UBE2U: variants seen among roughly 807,000 people sequenced by gnomAD.
The protein encoded by UBE2U is ubiquitin-conjugating enzyme E2 U.
A neutral mutation model predicts 41.2 loss-of-function variants in UBE2U; 39 were observed. That is an observed-to-expected ratio of 0.95 (90% confidence interval 0.73 to 1.24). UBE2U has a LOEUF of 1.24. UBE2U is among the 50% of genes most tolerant of loss of function. The pLI is 0.00. For synonymous variants in UBE2U, 107 were observed against 117.8 expected (o/e 0.91, Z 0.60); for missense variants, 336 against 363.1 (o/e 0.93, Z 0.61).
intron 7 of UBE2U, among the ~76,000 whole-genome samples, chr1:64,239,171 A>AGAAGAAGAAGAAGAG (rs1644778944): frequency 1.1e-5 from 1 of 90,906 alleles, no homozygotes; most frequent in Non-Finnish European, 2.1e-5. Flanking sequence ...AAGAAGAAGA[A>AGAAGAAGAAGAAGAG]GAAGAAGAAG....
At chr1:64,239,148 AAG>A (rs1361084527) in intron 7 of UBE2U, among the ~76,000 whole-genome samples, 4 of 24,676 alleles carry the variant, frequency 1.6e-4, no homozygotes, top group East Asian at 5.4e-3. Context: ...GAAGAAGAAG[AAG>A]AAGAAGAAAG....
intron 8 of UBE2U, among the ~76,000 whole-genome samples, chr1:64,243,117 G>C (rs1252976542): frequency 6.6e-6 from 1 of 152,100 alleles, no homozygotes; most frequent in Non-Finnish European, 1.5e-5. Flanking sequence ...CAAAGTTACA[G>C]GTCAAATTAT....
At chr1:64,242,911 C>T (rs1350530236) in intron 8 of UBE2U, among the ~76,000 whole-genome samples, 1 of 152,036 alleles carries the variant, frequency 6.6e-6, no homozygotes, top group East Asian at 1.9e-4. Flanking sequence ...ACGTGACTTC[C>T]TTTTTTATTT....
At chr1:64,218,905 C>T (rs535642226) in intron 5 of UBE2U, among the ~76,000 whole-genome samples, 15 of 152,274 alleles carry the variant, frequency 9.9e-5, no homozygotes, top group African/African-American at 1.4e-4. Flanking sequence ...CAGTCAGCAT[C>T]GAGTCTGTTT....
chr1:64,211,484 G>A (rs1375202570), intron 4 of UBE2U, among the ~76,000 whole-genome samples: 1 of 152,080 alleles, frequency 6.6e-6, no homozygotes, highest in Non-Finnish European at 1.5e-5. Flanking sequence ...CTGTCACCCA[G>A]GCTAGAGTGC....
At chr1:64,212,691 T>A (rs117406482) in intron 4 of UBE2U, among the ~76,000 whole-genome samples, 1 of 152,300 alleles carries the variant, frequency 6.6e-6, no homozygotes, top group East Asian at 1.9e-4. Context: ...CATTTGAGCA[T>A]CCCAAATTTG....
chr1:64,252,438 C>T (rs1485364208), intron 8 of UBE2U, among the ~76,000 whole-genome samples: 3 of 152,214 alleles, frequency 2.0e-5, no homozygotes, highest in Admixed American at 1.3e-4. Flanking sequence ...TGATCCTGTT[C>T]CTCCTGACTG....
At chr1:64,248,328 T>C (rs1355506415) in intron 8 of UBE2U, among the ~76,000 whole-genome samples, 2 of 152,102 alleles carry the variant, frequency 1.3e-5, no homozygotes, top group East Asian at 3.9e-4. Flanking sequence ...GGAAGGGCTA[T>C]ATTCCCCAGA....
intron 7 of UBE2U, among the ~76,000 whole-genome samples, chr1:64,239,165 A>AGAG (rs1644775422): frequency 1.3e-5 from 1 of 76,704 alleles, no homozygotes; most frequent in African/African-American, 5.4e-5. Flanking sequence ...AGAAAGAAGA[A>AGAG]GAAGAAGAAG....
rs144902452 is a variant in UBE2U at position 64,259,612 on chromosome 1, C to T, written c.678-991C>T. On this transcript the variant is annotated intron_variant, in intron 8 of 9. Transcript: ENST00000371077. Reference sequence around the variant, plus strand: ...CCCCATTTCTTGTTTTTGACAAAAACATTTCTATGCCACCTACTTTTCTTC... The same window carrying T: ...CCCCATTTCTTGTTTTTGACAAAAATATTTCTATGCCACCTACTTTTCTTC... 3.0e-3 allele frequency among the ~76,000 whole-genome samples: 458 copies of T among 151,898 alleles called. 2 individuals carry two copies. The highest frequency in any genetic ancestry group is 3.6e-3 in the Non-Finnish European group (244 of 67,842).
chr1:64,231,907 CAA>C (rs1437824710), intron 6 of UBE2U, among the ~76,000 whole-genome samples: 3 of 152,214 alleles, frequency 2.0e-5, no homozygotes, highest in African/African-American at 4.8e-5. Flanking sequence ...AGAATCTCTG[CAA>C]GTTTGTGGAA....
chr1:64,255,450 T>C (rs1276794140), intron 8 of UBE2U, among the ~76,000 whole-genome samples: 1 of 152,158 alleles, frequency 6.6e-6, no homozygotes, highest in African/African-American at 2.4e-5. Flanking sequence ...TACCAAAACC[T>C]GGCAGAGATA....
intron 6 of UBE2U, among the ~76,000 whole-genome samples, chr1:64,227,752 C>T (rs1652973952): frequency 6.6e-6 from 1 of 151,990 alleles, no homozygotes; most frequent in East Asian, 1.9e-4. Flanking sequence ...CTGCAGTGAG[C>T]CAAGATCACA....
chr1:64,232,757 A>G, intron 7 of UBE2U, 108 bp downstream of exon 7: 1 of 741,264 alleles, frequency 1.3e-6, no homozygotes, highest in Non-Finnish European at 2.2e-6. Context: ...TAAGAGTGAT[A>G]AACTTCTCTG....
chr1:64,239,675 G>A (rs1014714786), intron 7 of UBE2U, among the ~76,000 whole-genome samples: 13 of 151,878 alleles, frequency 8.6e-5, no homozygotes, highest in East Asian at 1.9e-4. Flanking sequence ...AGCTTCATCC[G>A]TGTCCCTACA....
At chr1:64,237,568 C>T (rs1644693129) in intron 7 of UBE2U, among the ~76,000 whole-genome samples, 1 of 152,134 alleles carries the variant, frequency 6.6e-6, no homozygotes, top group Non-Finnish European at 1.5e-5. Flanking sequence ...CAGTGTCATT[C>T]GTTGAGCACC....
intron 7 of UBE2U, among the ~76,000 whole-genome samples, chr1:64,237,385 A>G (rs1644688776): frequency 6.6e-6 from 1 of 152,102 alleles, no homozygotes; most frequent in African/African-American, 2.4e-5. Context: ...GAAGAACTAT[A>G]CTGTGGATGC....
intron 9 of UBE2U, 55 bp from the exon 10 acceptor site, chr1:64,266,969 A>T: frequency 6.8e-7 from 1 of 1,465,596 alleles, no homozygotes; most frequent in Non-Finnish European, 9.2e-7. Context: ...TTCTCTTTTT[A>T]TTGTTTTTCT....
intron 8 of UBE2U, among the ~76,000 whole-genome samples, chr1:64,245,655 A>G (rs1644908413): frequency 6.6e-6 from 1 of 152,200 alleles, no homozygotes; most frequent in African/African-American, 2.4e-5. Flanking sequence ...TGGAGTTGAC[A>G]GTCACACGTG....
Sources: allele counts gnomAD v4.1 joint callset (sites outside exome capture counted in the v4.1 genomes callset), GRCh38; gene constraint gnomAD v4.1.1; transcripts MANE v1.5; gene names NCBI Gene and HGNC (gene_info 2026-07-23, HGNC 2026-07-21).